The following OCA2 variants were observed in gnomAD, a reference collection of about 807,000 sequenced individuals.
The protein encoded by OCA2 is OCA2 melanosomal transmembrane protein.
OCA2 carries 77 observed loss-of-function variants against 100.2 expected under a neutral mutation model. The ratio of observed to expected loss-of-function variants is 0.77; its 90% CI spans 0.64 to 0.93. The LOEUF (loss-of-function observed/expected upper bound fraction) is 0.93. OCA2 is among the 40% of genes least tolerant of loss of function. The probability of loss-of-function intolerance (pLI) is 0.00; values close to 1 mark genes in which losing one functional copy is unlikely to be tolerated. For missense variants in OCA2, 1,062 were observed against 1,089.1 expected (o/e 0.98, Z 0.35); for synonymous variants, 432 against 439.2 (o/e 0.98, Z 0.21).
intron 1 of OCA2, among the ~76,000 whole-genome samples, chr15:28,084,191 C>T (rs565137316): frequency 6.6e-6 from 1 of 152,350 alleles, no homozygotes; most frequent in Admixed American, 6.5e-5. Context: ...AGGTGGGCCT[C>T]CCCAGACACG....
At chr15:28,048,904 G>T (rs753807376) in intron 2 of OCA2, among the ~76,000 whole-genome samples, 1 of 152,078 alleles carries the variant, frequency 6.6e-6, no homozygotes, top group Non-Finnish European at 1.5e-5. Flanking sequence ...TATTTGAGAC[G>T]CTGAGGAGGA....
At chr15:27,921,242 C>A (rs2038847788) in intron 19 of OCA2, among the ~76,000 whole-genome samples, 1 of 151,606 alleles carries the variant, frequency 6.6e-6, no homozygotes, top group East Asian at 1.9e-4. Flanking sequence ...ATAGGGGAAA[C>A]AATGATTAAC....
the OCA2 span, among the ~76,000 whole-genome samples, chr15:27,729,767 A>C: frequency 6.6e-6 from 1 of 152,190 alleles, no homozygotes; most frequent in African/African-American, 2.4e-5. Flanking sequence ...TATTCTGCCT[A>C]CCACCATGGA....
intron 11 of OCA2, 106 bp from the exon 12 acceptor site, chr15:27,986,749 C>T (rs1018395285): frequency 1.3e-6 from 1 of 790,124 alleles, no homozygotes; most frequent in African/African-American, 1.7e-5. Flanking sequence ...CTGAAAGCCA[C>T]CACATCACCA....
intron 1 of OCA2, among the ~76,000 whole-genome samples, chr15:28,089,340 C>T (rs921650430): frequency 3.9e-5 from 6 of 152,184 alleles, no homozygotes; most frequent in African/African-American, 1.4e-4. Flanking sequence ...TAAAGACAGG[C>T]ATAGGAAATC....
In OCA2 at chr15:27,844,942, A is replaced by C. The variant is rs754383604; in HGVS notation, c.2432+17T>G. ...CTAGACAGTTTAACAGAAAATTTAA[A>C]GGGAATTTAAAAGTACCTGAAAAAT... On this transcript the variant is annotated intron_variant, in intron 23 of 23. Transcript: ENST00000354638. 129 of 1,557,526 alleles carry C rather than the reference A, an allele frequency of 8.3e-5. No homozygotes were observed. The highest frequency in any genetic ancestry group is 1.1e-4 in the Non-Finnish European group (129 of 1,128,646).
chr15:27,948,508 C>T (rs1473242692), intron 18 of OCA2, among the ~76,000 whole-genome samples: 3 of 151,956 alleles, frequency 2.0e-5, no homozygotes, highest in Non-Finnish European at 4.4e-5. Flanking sequence ...GCTCTGTCAT[C>T]GAGGCTGAGC....
chr15:28,028,506 G>A (rs2042822599), intron 3 of OCA2, among the ~76,000 whole-genome samples: 2 of 151,548 alleles, frequency 1.3e-5, no homozygotes, highest in Admixed American at 6.6e-5. Context: ...AGGGAAGGTG[G>A]CCTACCTGGC....
At chr15:27,893,221 T>C (rs537311636) in intron 19 of OCA2, among the ~76,000 whole-genome samples, 2 of 152,250 alleles carry the variant, frequency 1.3e-5, no homozygotes, top group African/African-American at 4.8e-5. Context: ...ATAATACTTT[T>C]ATAATTTCTT....
chr15:27,760,612 A>C (rs2030759919), intron 23 of OCA2, among the ~76,000 whole-genome samples: 1 of 152,030 alleles, frequency 6.6e-6, no homozygotes, highest in South Asian at 2.1e-4. Flanking sequence ...GGTCAATATC[A>C]ATGAAACAGG....
At chr15:27,883,240 G>T (rs1276198970) in intron 19 of OCA2, among the ~76,000 whole-genome samples, 2 of 152,144 alleles carry the variant, frequency 1.3e-5, no homozygotes, top group East Asian at 3.9e-4. Flanking sequence ...CAGGAGAGAA[G>T]AAAACAGGAA....
At chr15:28,041,867 T>C (rs2043210638) in intron 2 of OCA2, among the ~76,000 whole-genome samples, 1 of 152,160 alleles carries the variant, frequency 6.6e-6, no homozygotes, top group Admixed American at 6.5e-5. Context: ...CACTGAAGAA[T>C]ACATTGTTTA....
At chr15:27,770,832 T>TCCTC (rs1455546403) in intron 23 of OCA2, among the ~76,000 whole-genome samples, 24 of 122,902 alleles carry the variant, frequency 2.0e-4, no homozygotes, top group African/African-American at 5.2e-4. Flanking sequence ...CATTCTTCCT[T>TCCTC]CCTCCCTCTT....
chr15:27,725,779 T>A, the OCA2 span, among the ~76,000 whole-genome samples: 1 of 151,946 alleles, frequency 6.6e-6, no homozygotes, highest in Non-Finnish European at 1.5e-5. Context: ...CAGGAGAGGG[T>A]AGGCACTGTT....
At position 27,953,052 on chromosome 15, in the gene OCA2, G is replaced by A. The variant is rs191997110; in HGVS notation, c.1843-1160C>T. ...CTACCCATCTGTCTAATCTGTCTAG[G>A]TGGATTAGATGGAGACAGCAATGAT... On this transcript the variant is annotated intron_variant, in intron 17 of 23. Coordinates refer to ENST00000354638, the MANE Select transcript of OCA2 (RefSeq NM_000275.3). 3.8e-4 allele frequency among the ~76,000 whole-genome samples: 58 copies of A among 152,306 alleles called. 2 individuals are homozygous for A. The highest frequency in any genetic ancestry group is 1.3e-3 in the African/African-American group (56 of 41,570).
chr15:28,042,230 T>C (rs1158751020), intron 2 of OCA2, among the ~76,000 whole-genome samples: 1 of 152,074 alleles, frequency 6.6e-6, no homozygotes, highest in Non-Finnish European at 1.5e-5. Context: ...CAAGAAATGA[T>C]GGGATGAAAG....
In OCA2 at chr15:27,904,316, C is replaced by T. The variant is rs549344726; in HGVS notation, c.2079+21811G>A. On this transcript the variant is annotated intron_variant, in intron 19 of 23. Coordinates refer to ENST00000354638, the MANE Select transcript of OCA2 (RefSeq NM_000275.3). ...AGTGAGCAGTGCTGTTGGCTGGGAG[C>T]GCTGGGGGACAGAGAAAGACTCCCG... 1.4e-4 allele frequency among the ~76,000 whole-genome samples: 22 copies of T among 152,236 alleles called. No individual in the cohort carries two copies. In the South Asian group the frequency reaches 3.9e-3, roughly 27 times the overall value.
At chr15:27,740,744 T>C in the OCA2 span, among the ~76,000 whole-genome samples, 81 of 152,210 alleles carry the variant, frequency 5.3e-4, no homozygotes, top group African/African-American at 1.7e-3. Context: ...TGATCTCTGC[T>C]CCCCGTGTAC....
At chr15:27,994,211 A>G (rs2041649326) in intron 9 of OCA2, among the ~76,000 whole-genome samples, 1 of 152,118 alleles carries the variant, frequency 6.6e-6, no homozygotes, top group Non-Finnish European at 1.5e-5. Context: ...AGATTCTCAT[A>G]GGAGCGTGAA....
Sources: allele counts gnomAD v4.1 joint callset (sites outside exome capture counted in the v4.1 genomes callset), GRCh38; gene constraint gnomAD v4.1.1; transcripts MANE v1.5; gene names NCBI Gene and HGNC (gene_info 2026-07-23, HGNC 2026-07-21).